The following AKAP13 variants were observed in gnomAD, a reference collection of about 807,000 sequenced individuals.
AKAP13 encodes the protein A-kinase anchoring protein 13, also known as A-kinase anchor protein 13.
AKAP13 carries 80 observed loss-of-function variants against 264.5 expected under a neutral mutation model. That is an observed-to-expected ratio of 0.30 (90% CI 0.25 to 0.36). The LOEUF (loss-of-function observed/expected upper bound fraction) is 0.36, where lower values mean the gene tolerates loss of function less well. AKAP13 is among the 10% of genes least tolerant of loss of function. The probability of loss-of-function intolerance (pLI) is 1.00; values close to 1 mark genes in which losing one functional copy is unlikely to be tolerated. For synonymous variants in AKAP13, 1,380 were observed against 1,250.2 expected (o/e 1.10, Z -2.19); for missense variants, 3,712 against 3,435.2 (o/e 1.08, Z -2.01).
At chr15:85,479,398 T>G (rs1251565986) in intron 1 of AKAP13, among the ~76,000 whole-genome samples, 1 of 152,132 alleles carries the variant, frequency 6.6e-6, no homozygotes, top group Non-Finnish European at 1.5e-5. Context: ...TTTTTGTGGG[T>G]TTTGAAGGAT....
At chr15:85,619,954 A>C (rs767170661) in intron 8 of AKAP13, 3 of 1,452,834 alleles carry the variant, frequency 2.1e-6, no homozygotes, top group Non-Finnish European at 2.7e-6. Flanking sequence ...TGAGAGTTTT[A>C]ATAGAGAGGA....
chr15:85,629,898 G>C (rs2081624443), intron 8 of AKAP13, among the ~76,000 whole-genome samples: 1 of 146,142 alleles, frequency 6.8e-6, no homozygotes, highest in African/African-American at 2.5e-5. Context: ...TCCCACCTCA[G>C]CCTCCTGAGT....
chr15:85,619,070 C>A (rs1024221111), intron 8 of AKAP13, among the ~76,000 whole-genome samples: 2 of 152,162 alleles, frequency 1.3e-5, no homozygotes, highest in African/African-American at 4.8e-5. Flanking sequence ...TAACACCCCC[C>A]TTCCTTTATT....
chr15:85,630,456 A>G (rs947997607), intron 8 of AKAP13, among the ~76,000 whole-genome samples: 2 of 152,316 alleles, frequency 1.3e-5, no homozygotes, highest in East Asian at 1.9e-4. Context: ...TTCATTGTCT[A>G]CTATGCAAGA....
chr15:85,589,640 C>T lies in AKAP13; in HGVS notation c.4161+3817C>T, dbSNP rs550279123. Among the ~76,000 whole-genome samples the T allele has an allele frequency of 3.9e-4, 55 of 141,410 alleles. 1 individual carries two copies. Among genetic ancestry groups the T allele is most frequent in the African/African-American group, 1.4e-3 (52 of 37,694 alleles). 92.8% of individuals were successfully genotyped at this position (141,410 alleles called of 152,430 possible). ...AGAGTTAGCCAGAAATTGCTTGACC[C>T]GGGAGGTTGCAGTGAGCCGAGATCG... On this transcript the variant is annotated intron_variant, in intron 8 of 36. Transcript: ENST00000394518.
Position 85,658,187 on chromosome 15 carries a change from T to C in AKAP13, c.4746-350T>C, listed in dbSNP as rs537615930. On this transcript the variant is annotated intron_variant, in intron 11 of 36. Coordinates refer to ENST00000394518, the MANE Select transcript of AKAP13 (RefSeq NM_007200.5). ...TTTTAATTAGTTTGGCTAATTGTTA[T>C]GGTATTACCTGCATGTAGTATAACC... 3.9e-5 allele frequency among the ~76,000 whole-genome samples: 6 copies of C among 152,364 alleles called. No individual in the cohort carries two copies. In the South Asian group the frequency reaches 8.3e-4, roughly 21 times the overall value.
chr15:85,742,864 A>G (rs898364085), intron 35 of AKAP13, among the ~76,000 whole-genome samples: 14 of 152,078 alleles, frequency 9.2e-5, no homozygotes, highest in African/African-American at 3.4e-4. Flanking sequence ...CTTTCTGCAG[A>G]TGTTGCCAAA....
Position 85,579,633 on chromosome 15 carries a change from A to C in AKAP13, c.1565A>C (p.His522Pro). The change falls in exon 7 of 37, where the codon CAC (histidine) becomes CCC (proline). Residue 522 changes from histidine to proline, a missense_variant. Physicochemically the swap from His to Pro is moderately conservative, Grantham distance 77. Coordinates refer to ENST00000394518, the MANE Select transcript of AKAP13 (RefSeq NM_007200.5). ...GGCACAGCTGGAGCCTCTGACGTGCACGTCACAAGTAAGCCTGTGGATAAA... is the reference window on the plus strand; with the variant it reads ...GGCACAGCTGGAGCCTCTGACGTGCCCGTCACAAGTAAGCCTGTGGATAAA... ...NIGTAGASDV[H>P]VTSKPVDKIS... 1 of 1,614,236 alleles carries C rather than the reference A, an allele frequency of 6.2e-7. No individual in the cohort carries two copies. The highest frequency in any genetic ancestry group is 8.5e-7 in the Non-Finnish European group (1 of 1,180,038).
At chr15:85,666,463 C>A (rs138020974) in intron 13 of AKAP13, among the ~76,000 whole-genome samples, 1 of 148,330 alleles carries the variant, frequency 6.7e-6, no homozygotes, top group Admixed American at 6.8e-5. Flanking sequence ...TTTCTGCCTT[C>A]TGTAGGTCGC....
At chr15:85,642,679 A>C (rs572304727) in intron 9 of AKAP13, among the ~76,000 whole-genome samples, 1 of 152,216 alleles carries the variant, frequency 6.6e-6, no homozygotes, top group South Asian at 2.1e-4. Context: ...TCTCGTCCCA[A>C]ACTTGGTTTG....
intron 1 of AKAP13, among the ~76,000 whole-genome samples, chr15:85,417,053 TAATG>T (rs2072272910): frequency 6.6e-6 from 1 of 152,254 alleles, no homozygotes; most frequent in African/African-American, 2.4e-5. Context: ...AAAAGAAAAT[TAATG>T]CTTAACTTGA....
chr15:85,711,988 A>G (rs1023120271), intron 19 of AKAP13, among the ~76,000 whole-genome samples: 1 of 152,140 alleles, frequency 6.6e-6, no homozygotes, highest in African/African-American at 2.4e-5. Flanking sequence ...GTGCGCCGCT[A>G]TGCCTGGCTG....
rs779664637 is a variant in AKAP13, at chr15:85,479,695, C to A, written c.-11-6015C>A. Among the ~76,000 whole-genome samples the A allele has an allele frequency of 2.0e-5, 3 of 152,234 alleles. No homozygotes were observed. The East Asian group carries it at 5.8e-4, about 29-fold the overall frequency. On this transcript the variant is annotated intron_variant, in intron 1 of 36. Transcript: ENST00000394518. ...TGGTCCTTAGAAAATATGCTGAGAT[C>A]ACCAAGTTAACAGGTACAGAAGGGT...
intron 1 of AKAP13, among the ~76,000 whole-genome samples, chr15:85,433,377 A>G (rs2073115826): frequency 6.6e-6 from 1 of 152,064 alleles, no homozygotes; most frequent in Admixed American, 6.5e-5. Flanking sequence ...TTCTTATTTC[A>G]TTCCCATCAT....
intron 8 of AKAP13, chr15:85,620,238 A>C: frequency 6.9e-7 from 1 of 1,457,644 alleles, no homozygotes. Flanking sequence ...TGAACCCGGT[A>C]GCCATGTCCC....
Position 85,684,776 on chromosome 15 carries a change from G to T in AKAP13, c.5192G>T (p.Ser1731Ile). The change falls in exon 16 of 37, where the codon AGC (serine) becomes ATC (isoleucine). Residue 1731 changes from serine to isoleucine, a missense_variant. By Grantham distance (142) the Ser-to-Ile change is moderately radical. This residue lies in a region of AKAP13 where 2,759 missense variants were observed against 2,411.7 expected (regional missense o/e 1.14). Coordinates refer to ENST00000394518, the MANE Select transcript of AKAP13 (RefSeq NM_007200.5). ...GAGAACTATAATTTCCTGCCACATA[G>T]CCCCTCCAAGAAAGATTCTGAATGG... Reference protein sequence around the residue: ...TEENYNFLPHSPSKKDSEWKS... With the variant: ...TEENYNFLPHIPSKKDSEWKS... 6.2e-7 allele frequency: 1 copy of T among 1,613,430 alleles called. No individual in the cohort carries two copies. The highest frequency in any genetic ancestry group is 1.7e-5 in the Admixed American group (1 of 60,004).
Position 85,581,895 on chromosome 15 carries a change from G to A in AKAP13, c.3827G>A (p.Cys1276Tyr), listed in dbSNP as rs115527863. 671 of 1,614,188 alleles carry A rather than the reference G, an allele frequency of 4.2e-4. 2 individuals are homozygous for A. Among genetic ancestry groups the A allele is most frequent in the Non-Finnish European group, 5.4e-4 (643 of 1,180,008 alleles). ...AGALLTEGEA[C>Y]HMSLSSPELG... ...GCACTGCTTACTGAGGGGGAGGCCT[G>A]TCACATGTCACTGTCCAGCCCTGAG... Residue 1276 changes from cysteine (C) to tyrosine (Y), a missense_variant, in exon 7 of 37, where the codon TGT (cysteine) becomes TAT (tyrosine). Transcript: ENST00000394518.
At chr15:85,744,491 C>G (rs1362798716) in intron 36 of AKAP13, 137 bp from the exon 37 acceptor site, 1 of 890,624 alleles carries the variant, frequency 1.1e-6, no homozygotes, top group Admixed American at 1.8e-5. Context: ...TTCAGAAACC[C>G]CGGTGCGCAG....
chr15:85,387,899 A>G (rs916297487), intron 1 of AKAP13, among the ~76,000 whole-genome samples: 1 of 152,032 alleles, frequency 6.6e-6, no homozygotes, highest in Non-Finnish European at 1.5e-5. Flanking sequence ...CTGACCTTGG[A>G]TCCTACACCC....
Sources: gnomAD v4.1 joint callset for allele counts (sites outside exome capture counted in the v4.1 genomes callset) on GRCh38, gnomAD v4.1.1 for gene constraint, gnomAD v4.1.1 regional missense constraint, MANE v1.5 for transcripts, NCBI Gene and HGNC (gene_info 2026-07-23, HGNC 2026-07-21) for gene names.